DAAM2: variants seen among roughly 807,000 people sequenced by gnomAD.
DAAM2 encodes disheveled-associated activator of morphogenesis 2.
A neutral mutation model predicts 120.7 loss-of-function variants in DAAM2; 39 were observed. That is an observed-to-expected ratio of 0.32 (90% CI 0.25 to 0.42). The LOEUF (loss-of-function observed/expected upper bound fraction) is 0.42. Ranked by LOEUF, DAAM2 falls within the 10% of genes least tolerant of loss-of-function variation. The pLI, the probability that DAAM2 is intolerant of heterozygous loss-of-function variation, is 1.00. For missense variants in DAAM2, 1,283 were observed against 1,401.7 expected (o/e 0.92, Z 1.35); for synonymous variants, 488 against 524.9 (o/e 0.93, Z 0.96).
rs776731153 is a variant in DAAM2 at position 39,904,245 on chromosome 6, G to C, written c.*2208G>C. ...CAGAGGACACAAATACGTTGTTCCAGAGCTCAGCCTTCTCACTCTAAAAGA... is the reference window on the plus strand; with the variant it reads ...CAGAGGACACAAATACGTTGTTCCACAGCTCAGCCTTCTCACTCTAAAAGA... On this transcript the variant is annotated 3_prime_UTR_variant, in exon 25 of 25. Transcript: ENST00000274867. 18 of 456,650 alleles carry C rather than the reference G, an allele frequency of 3.9e-5. No homozygotes were observed. The highest frequency in any genetic ancestry group is 7.5e-5 in the Non-Finnish European group (17 of 226,992). 28.3% of individuals were successfully genotyped at this position (456,650 alleles called of 1,614,324 possible). A position where few individuals can be genotyped will look rare whatever the true frequency, so the allele number is the denominator to read the frequency against.
chr6:39,861,079 C>A, intron 3 of DAAM2, 62 bp downstream of exon 3: 1 of 1,302,040 alleles, frequency 7.7e-7, no homozygotes, highest in Non-Finnish European at 1.1e-6. Context: ...GCTCTTGCTG[C>A]CTTGGCATGC....
At chr6:39,855,735 T>C (rs1300893359) in intron 1 of DAAM2, among the ~76,000 whole-genome samples, 1 of 152,236 alleles carries the variant, frequency 6.6e-6, no homozygotes, top group Non-Finnish European at 1.5e-5. Context: ...CTGCAGGAGC[T>C]ATGCCACATC....
intron 1 of DAAM2, among the ~76,000 whole-genome samples, chr6:39,805,556 TA>T (rs747151088): frequency 7.5e-6 from 1 of 133,790 alleles, no homozygotes; most frequent in Non-Finnish European, 1.6e-5. Context: ...ATCCTAAGGT[TA>T]TTTTTTTTTT....
At chr6:39,795,168 T>A (rs1393730241) in intron 1 of DAAM2, among the ~76,000 whole-genome samples, 2 of 152,216 alleles carry the variant, frequency 1.3e-5, no homozygotes, top group Non-Finnish European at 1.5e-5. Context: ...TCTGGCCAGC[T>A]CTTTGGTCAT....
At chr6:39,882,608 C>T (rs1001619773) in intron 14 of DAAM2, among the ~76,000 whole-genome samples, 3 of 151,950 alleles carry the variant, frequency 2.0e-5, no homozygotes, top group African/African-American at 7.3e-5. Context: ...TCCCTGATTC[C>T]ATTCCCTTCT....
At chr6:39,827,863 T>C (rs904537068) in intron 1 of DAAM2, among the ~76,000 whole-genome samples, 1 of 152,094 alleles carries the variant, frequency 6.6e-6, no homozygotes, top group African/African-American at 2.4e-5. Context: ...CTGCCCAAGC[T>C]CTGCCTGCCC....
intron 1 of DAAM2, among the ~76,000 whole-genome samples, chr6:39,796,245 T>C (rs1761695907): frequency 6.6e-6 from 1 of 152,178 alleles, no homozygotes; most frequent in South Asian, 2.1e-4. Context: ...AAGTTATCCT[T>C]CAAGTTGACA....
At chr6:39,898,469 C>T (rs1000979104) in intron 21 of DAAM2, among the ~76,000 whole-genome samples, 25 of 152,198 alleles carry the variant, frequency 1.6e-4, no homozygotes, top group African/African-American at 5.1e-4. Flanking sequence ...TAGATGTCAT[C>T]TCCAGGAAAA....
At chr6:39,839,897 A>G (rs1018299295) in intron 1 of DAAM2, among the ~76,000 whole-genome samples, 2 of 152,136 alleles carry the variant, frequency 1.3e-5, no homozygotes, top group Admixed American at 6.5e-5. Context: ...GTGCGGGAGT[A>G]CCTGTGTGTT....
chr6:39,844,718 G>A (rs540649576), intron 1 of DAAM2, among the ~76,000 whole-genome samples: 27 of 152,186 alleles, frequency 1.8e-4, no homozygotes, highest in South Asian at 6.2e-4. Flanking sequence ...AACGAAGAGC[G>A]GGCTGATCAG....
intron 1 of DAAM2, among the ~76,000 whole-genome samples, chr6:39,815,651 T>TACACACACACACACACACACACACAC (rs56736428): frequency 3.0e-4 from 45 of 148,962 alleles, no homozygotes; most frequent in African/African-American, 1.1e-3. Flanking sequence ...ACCCCTGGTT[T>TACACACACACACACACACACACACAC]ACACACACAC....
intron 1 of DAAM2, among the ~76,000 whole-genome samples, chr6:39,815,625 G>A (rs574660342): frequency 6.8e-6 from 1 of 147,808 alleles, no homozygotes; most frequent in Admixed American, 6.9e-5. Context: ...TGACCCAGAT[G>A]TGGAATTACT....
intron 11 of DAAM2, among the ~76,000 whole-genome samples, chr6:39,877,852 C>T (rs542488232): frequency 1.8e-4 from 27 of 152,192 alleles, no homozygotes; most frequent in Non-Finnish European, 3.4e-4. Flanking sequence ...CAAGGAGGTG[C>T]AAGTCATGAT....
chr6:39,835,130 T>C (rs912419822), intron 1 of DAAM2, among the ~76,000 whole-genome samples: 2 of 152,222 alleles, frequency 1.3e-5, no homozygotes, highest in Non-Finnish European at 2.9e-5. Context: ...TTCATCTCTT[T>C]ATCTCTGGTG....
intron 3 of DAAM2, among the ~76,000 whole-genome samples, chr6:39,863,161 G>A (rs527747224): frequency 9.0e-4 from 137 of 151,786 alleles, no homozygotes; most frequent in Non-Finnish European, 1.2e-3. Context: ...TACTTTCAGA[G>A]CTCAGCACAG....
chr6:39,868,838 C>G lies in DAAM2; in HGVS notation c.778C>G (p.Leu260Val), dbSNP rs1412872811. 5 of 1,580,790 alleles carry G rather than the reference C, an allele frequency of 3.2e-6. No homozygotes were observed. The South Asian group carries it at 4.7e-5, about 15-fold the overall frequency. Residue 260 changes from leucine (L) to valine (V), a missense_variant, in exon 7 of 25, where the codon CTA becomes GTA. Leu to Val is a conservative substitution (Grantham distance 32). Around this residue, in one of 3 missense-constraint regions of DAAM2, gnomAD observed 338 missense variants for 443.9 expected, o/e 0.76. Coordinates refer to ENST00000274867, the MANE Select transcript of DAAM2 (RefSeq NM_001201427.2). ...TTCCACCTAGACCCTGCTGAACGAGCTAGACCGAAGTCTGGGCCGGTACCG... is the reference window on the plus strand; with the variant it reads ...TTCCACCTAGACCCTGCTGAACGAGGTAGACCGAAGTCTGGGCCGGTACCG... Reference protein sequence around the residue: ...RTRFQTLLNELDRSLGRYRDE... With the variant: ...RTRFQTLLNEVDRSLGRYRDE...
intron 1 of DAAM2, among the ~76,000 whole-genome samples, chr6:39,809,349 A>G (rs1762098981): frequency 6.6e-6 from 1 of 152,058 alleles, no homozygotes; most frequent in African/African-American, 2.4e-5. Flanking sequence ...TCCGTGACCA[A>G]CCTCACAGGC....
intron 1 of DAAM2, among the ~76,000 whole-genome samples, chr6:39,830,863 G>T (rs911693120): frequency 6.6e-6 from 1 of 152,188 alleles, no homozygotes; most frequent in African/African-American, 2.4e-5. Context: ...AGCTTTGCAT[G>T]GGGGAGGAGA....
At position 39,867,835 on chromosome 6, in the gene DAAM2, C is replaced by T. The variant is rs575251556; in HGVS notation, c.754C>T (p.Arg252Cys). 39 of 1,583,230 alleles carry T rather than the reference C, an allele frequency of 2.5e-5. No individual in the cohort carries two copies. In the East Asian group the frequency reaches 5.8e-4, roughly 23 times the overall value. ...HYQVYAAERT[R>C]FQTLLNELDR... is the part of the protein sequence containing the mutation. ...CCAGGTGTATGCAGCAGAGCGAACC[C>T]GCTTCCAGGTGAGGGGCCAGGCTGG... The change falls in exon 6 of 25, where the codon CGC becomes TGC. Residue 252 changes from arginine to cysteine, a missense_variant. By Grantham distance (180) the Arg-to-Cys change is radical. Coordinates refer to ENST00000274867, the MANE Select transcript of DAAM2 (RefSeq NM_001201427.2).
Sources: gnomAD v4.1 joint callset for allele counts (sites outside exome capture counted in the v4.1 genomes callset) on GRCh38, gnomAD v4.1.1 for gene constraint, gnomAD v4.1.1 regional missense constraint, MANE v1.5 for transcripts, NCBI Gene and HGNC (gene_info 2026-07-23, HGNC 2026-07-21) for gene names.